DGKB: variants seen among roughly 807,000 people sequenced by gnomAD.
DGKB encodes diacylglycerol kinase beta.
Under a neutral mutation model 114.3 loss-of-function variants are expected in DGKB, and 67 were observed. The observed-to-expected ratio is 0.59, with a 90% CI of 0.48 to 0.72. The LOEUF is 0.72. Ranked by LOEUF, DGKB falls within the 30% of genes least tolerant of loss-of-function variation. The pLI is 0.00. For synonymous variants in DGKB, 398 were observed against 323.1 expected (o/e 1.23, Z -2.49); for missense variants, 907 against 975.2 (o/e 0.93, Z 0.93).
At chr7:14,890,149 G>A (rs991662120) in intron 1 of DGKB, among the ~76,000 whole-genome samples, 1 of 151,294 alleles carries the variant, frequency 6.6e-6, no homozygotes, top group Non-Finnish European at 1.5e-5. Flanking sequence ...AATTAATGAG[G>A]GCACATGCTA....
chr7:14,159,679 CT>C (rs1562496532), intron 25 of DGKB, among the ~76,000 whole-genome samples: 1 of 152,090 alleles, frequency 6.6e-6, no homozygotes, highest in Non-Finnish European at 1.5e-5. Context: ...CACTGATATT[CT>C]TTTTTTGAGA....
In DGKB at chr7:14,900,333, T is replaced by C. The variant is rs940070802; in HGVS notation, c.-188+2259A>G. On this transcript the variant is annotated intron_variant, in intron 1 of 25. Coordinates refer to ENST00000402815, the MANE Select transcript of DGKB (RefSeq NM_001350709.2). Reference sequence around the variant, plus strand: ...GCTTCTTCACTATTTTTCCTGGAGTTTGCTCTGGGCAAGTGCTCCTCGGCT... The same window carrying C: ...GCTTCTTCACTATTTTTCCTGGAGTCTGCTCTGGGCAAGTGCTCCTCGGCT... Among the ~76,000 whole-genome samples, 17 of 152,280 alleles carry C rather than the reference T, an allele frequency of 1.1e-4. No individual in the cohort carries two copies. In the South Asian group the frequency reaches 2.9e-3, roughly 26 times the overall value.
chr7:14,745,286 A>C (rs1179263287), intron 4 of DGKB, among the ~76,000 whole-genome samples: 1 of 152,118 alleles, frequency 6.6e-6, no homozygotes, highest in East Asian at 1.9e-4. Context: ...TTTAACAGAG[A>C]CCCTTAAATA....
intron 23 of DGKB, among the ~76,000 whole-genome samples, chr7:14,242,717 G>C (rs1332189676): frequency 6.6e-6 from 1 of 152,096 alleles, no homozygotes; most frequent in Non-Finnish European, 1.5e-5. Flanking sequence ...GGTGTCCTCA[G>C]AGCAAGGTCA....
rs549663930 is a variant in DGKB at position 14,856,121 on chromosome 7, A to G, written c.-187-14671T>C. On this transcript the variant is annotated intron_variant, in intron 1 of 25. Transcript: ENST00000402815. ...ATAAAATCAGATCTAAAAGTCAGAT[A>G]TAAGTCTAATGGCATTAAGAATACT... Among the ~76,000 whole-genome samples the G allele has an allele frequency of 2.6e-5, 4 of 152,214 alleles. No individual in the cohort carries two copies. The East Asian group carries it at 5.8e-4, about 22-fold the overall frequency.
intron 2 of DGKB, among the ~76,000 whole-genome samples, chr7:14,804,903 C>G (rs1842608941): frequency 6.6e-6 from 1 of 151,548 alleles, no homozygotes. Flanking sequence ...TTTCTTATTG[C>G]TGTTATCTAT....
At chr7:14,359,436 G>A (rs1341830414) in intron 21 of DGKB, among the ~76,000 whole-genome samples, 1 of 152,120 alleles carries the variant, frequency 6.6e-6, no homozygotes, top group Non-Finnish European at 1.5e-5. Flanking sequence ...AACCACCAAA[G>A]CAATGGCAAC....
intron 20 of DGKB, among the ~76,000 whole-genome samples, chr7:14,484,761 G>A (rs566358160): frequency 5.3e-5 from 8 of 151,904 alleles, no homozygotes; most frequent in Non-Finnish European, 2.9e-5. Context: ...TTGTATGTGC[G>A]ATCTTTAGAA....
At chr7:14,472,190 T>C (rs1003582920) in intron 21 of DGKB, among the ~76,000 whole-genome samples, 4 of 152,188 alleles carry the variant, frequency 2.6e-5, no homozygotes, top group Non-Finnish European at 2.9e-5. Context: ...GGTTTGGCTG[T>C]TTCCCCACCA....
At chr7:14,221,402 G>A (rs1052824261) in intron 23 of DGKB, among the ~76,000 whole-genome samples, 1 of 151,128 alleles carries the variant, frequency 6.6e-6, no homozygotes, top group Non-Finnish European at 1.5e-5. Flanking sequence ...GTTTTGTTGA[G>A]TACTTTATCT....
intron 13 of DGKB, among the ~76,000 whole-genome samples, chr7:14,665,420 A>C (rs1817863959): frequency 6.6e-6 from 1 of 151,972 alleles, no homozygotes; most frequent in African/African-American, 2.4e-5. Context: ...AATGCATAGT[A>C]GGCTTAGTAC....
intron 2 of DGKB, among the ~76,000 whole-genome samples, chr7:14,817,023 TC>T (rs1262613293): frequency 6.6e-6 from 1 of 152,202 alleles, no homozygotes; most frequent in Non-Finnish European, 1.5e-5. Flanking sequence ...TACTTTCTAA[TC>T]CCTTCTAAAG....
At chr7:14,213,721 A>T (rs1788510245) in intron 23 of DGKB, among the ~76,000 whole-genome samples, 1 of 152,124 alleles carries the variant, frequency 6.6e-6, no homozygotes, top group Admixed American at 6.6e-5. Flanking sequence ...TATTGCTCTG[A>T]GTAATAAACT....
chr7:14,207,826 G>T (rs1787080508), intron 23 of DGKB, among the ~76,000 whole-genome samples: 1 of 151,902 alleles, frequency 6.6e-6, no homozygotes, highest in Non-Finnish European at 1.5e-5. Context: ...GAACAAAAGA[G>T]GGGAAGGAAA....
chr7:14,185,846 T>C (rs1342033396), intron 23 of DGKB, among the ~76,000 whole-genome samples: 1 of 152,152 alleles, frequency 6.6e-6, no homozygotes, highest in Non-Finnish European at 1.5e-5. Flanking sequence ...TCCTTATCTC[T>C]CACCTTATAC....
intron 20 of DGKB, among the ~76,000 whole-genome samples, chr7:14,499,912 A>G (rs1785882005): frequency 6.6e-6 from 1 of 151,832 alleles, no homozygotes; most frequent in Non-Finnish European, 1.5e-5. Flanking sequence ...GGCTCATCCC[A>G]GCGTTTTCTT....
At position 14,321,350 on chromosome 7, in the gene DGKB, A is replaced by T. The variant is rs191491618; in HGVS notation, c.2122+17165T>A. Among the ~76,000 whole-genome samples the T allele has an allele frequency of 7.2e-5, 11 of 152,316 alleles. No individual in the cohort carries two copies. The East Asian group carries it at 2.1e-3, about 29-fold the overall frequency. On this transcript the variant is annotated intron_variant, in intron 23 of 25. Transcript: ENST00000402815. ...CACAGGATAAAGAATAAAAAGTATG[A>T]TTCTCTCAATAGATGAAAAACAATA...
chr7:14,821,154 T>C (rs1586725866), intron 2 of DGKB, among the ~76,000 whole-genome samples: 1 of 152,184 alleles, frequency 6.6e-6, no homozygotes, highest in African/African-American at 2.4e-5. Context: ...TTTATTTTTG[T>C]ATCGAAGCAT....
At chr7:14,492,756 G>A (rs914931389) in intron 20 of DGKB, among the ~76,000 whole-genome samples, 1 of 151,668 alleles carries the variant, frequency 6.6e-6, no homozygotes, top group Admixed American at 6.6e-5. Flanking sequence ...AAATAATAAG[G>A]GCCAAGAAAT....
Sources: allele counts gnomAD v4.1 joint callset (sites outside exome capture counted in the v4.1 genomes callset), GRCh38; gene constraint gnomAD v4.1.1; transcripts MANE v1.5; gene names NCBI Gene and HGNC (gene_info 2026-07-23, HGNC 2026-07-21).